ERGIC1: variants seen among roughly 807,000 people sequenced by gnomAD.
The protein encoded by ERGIC1 is endoplasmic reticulum-golgi intermediate compartment 1, also known as endoplasmic reticulum-Golgi intermediate compartment protein 1.
ERGIC1 carries 19 observed loss-of-function variants against 38.3 expected under a neutral mutation model. The observed-to-expected ratio is 0.50, with a 90% CI of 0.35 to 0.73. ERGIC1 has a LOEUF of 0.73. Ranked by LOEUF, ERGIC1 falls within the 30% of genes least tolerant of loss-of-function variation. ERGIC1 has a pLI of 0.01. For synonymous variants in ERGIC1, 124 were observed against 157.6 expected (o/e 0.79, Z 1.60); for missense variants, 294 against 389.2 (o/e 0.76, Z 2.06).
chr5:172,877,458 A>ATATATATAT (rs58452182), intron 1 of ERGIC1, among the ~76,000 whole-genome samples: 1 of 86,638 alleles, frequency 1.2e-5, no homozygotes, highest in African/African-American at 4.3e-5. Context: ...ATATATATAT[A>ATATATATAT]TTTTTTTTTT....
intron 1 of ERGIC1, among the ~76,000 whole-genome samples, chr5:172,850,893 AT>A (rs1361787391): frequency 6.6e-6 from 1 of 152,122 alleles, no homozygotes; most frequent in Non-Finnish European, 1.5e-5. Context: ...GAATGAAAAT[AT>A]TTCACATAAA....
At chr5:172,893,887 A>ATGTGTGTGTATG (rs1762632944) in intron 2 of ERGIC1, among the ~76,000 whole-genome samples, 1 of 14,094 alleles carries the variant, frequency 7.1e-5, no homozygotes, top group East Asian at 2.8e-3. Context: ...ATATATATAT[A>ATGTGTGTGTATG]TATATATATA....
intron 1 of ERGIC1, among the ~76,000 whole-genome samples, chr5:172,870,501 A>G (rs1332639303): frequency 6.6e-6 from 1 of 152,210 alleles, no homozygotes; most frequent in Non-Finnish European, 1.5e-5. Context: ...TAGATGACCA[A>G]CGCTCCGGTC....
intron 1 of ERGIC1, among the ~76,000 whole-genome samples, chr5:172,861,407 C>T (rs1434416793): frequency 6.6e-6 from 1 of 152,232 alleles, no homozygotes; most frequent in Non-Finnish European, 1.5e-5. Flanking sequence ...TGTTTATTAT[C>T]TGTCCCCTCC....
intron 1 of ERGIC1, among the ~76,000 whole-genome samples, chr5:172,877,693 C>G (rs897916447): frequency 6.6e-6 from 1 of 151,984 alleles, no homozygotes; most frequent in African/African-American, 2.4e-5. Context: ...GCTGTATCAC[C>G]CTCTGCGTTA....
At chr5:172,866,950 T>C (rs910258343) in intron 1 of ERGIC1, 2 of 340,282 alleles carry the variant, frequency 5.9e-6, no homozygotes, top group Non-Finnish European at 1.2e-5. Flanking sequence ...AGGTGCTGAA[T>C]GAATGCATGA....
intron 1 of ERGIC1, among the ~76,000 whole-genome samples, chr5:172,856,171 G>A (rs374320624): frequency 3.3e-5 from 5 of 152,272 alleles, no homozygotes; most frequent in East Asian, 1.9e-4. Flanking sequence ...TGGGCAGCAC[G>A]TCATTCCTGT....
Position 172,915,210 on chromosome 5 carries a change from A to C in ERGIC1, c.375+372A>C. 1.3e-5 allele frequency: 8 copies of C among 604,868 alleles called. 1 individual carries two copies. The South Asian group carries it at 1.6e-4, about 12-fold the overall frequency. 37.5% of individuals were successfully genotyped at this position (604,868 alleles called of 1,614,324 possible). A position where few individuals can be genotyped will look rare whatever the true frequency, so the allele number is the denominator to read the frequency against. On this transcript the variant is annotated intron_variant, in intron 5 of 9. Transcript: ENST00000393784. ...CTGAGGGTGTGATGGCGATAATAGT[A>C]TCACGATACCACCCACTTCACAAAG...
intron 8 of ERGIC1, 155 bp downstream of exon 8, chr5:172,932,691 A>G: frequency 1.4e-6 from 1 of 694,498 alleles, no homozygotes; most frequent in Non-Finnish European, 2.4e-6. Context: ...GTCCCTGGGT[A>G]AAATTGAAAA....
At chr5:172,948,249 C>T (rs1166160423) in intron 9 of ERGIC1, among the ~76,000 whole-genome samples, 1 of 152,218 alleles carries the variant, frequency 6.6e-6, no homozygotes, top group Non-Finnish European at 1.5e-5. Flanking sequence ...CTGGTCTGTC[C>T]ATCCTGGGCC....
intron 1 of ERGIC1, among the ~76,000 whole-genome samples, chr5:172,884,471 T>C (rs2113238802): frequency 6.6e-6 from 1 of 152,256 alleles, no homozygotes; most frequent in Admixed American, 6.5e-5. Flanking sequence ...CCCAGGCTTT[T>C]CTTGAACTCC....
chr5:172,918,384 T>G (rs1763426024), intron 5 of ERGIC1: 1 of 152,248 alleles, frequency 6.6e-6, no homozygotes, highest in Non-Finnish European at 1.5e-5. Flanking sequence ...ACCAAAAGCC[T>G]TAAGAACCTA....
intron 1 of ERGIC1, among the ~76,000 whole-genome samples, chr5:172,861,958 C>G (rs142711106): frequency 6.6e-6 from 1 of 152,004 alleles, no homozygotes; most frequent in African/African-American, 2.4e-5. Context: ...GAAATTCCTG[C>G]CAAGAACTTT....
chr5:172,855,554 G>A (rs1418145543), intron 1 of ERGIC1, among the ~76,000 whole-genome samples: 2 of 152,224 alleles, frequency 1.3e-5, no homozygotes, highest in African/African-American at 4.8e-5. Context: ...AGGATCAAGA[G>A]TTTTCCCAGC....
chr5:172,867,196 A>C (rs771750646), intron 1 of ERGIC1: 1 of 455,692 alleles, frequency 2.2e-6, no homozygotes. Flanking sequence ...TTATCGTGCT[A>C]CCTGGAAAGT....
At chr5:172,920,465 C>A (rs1763483183) in intron 5 of ERGIC1, 1 of 717,730 alleles carries the variant, frequency 1.4e-6, no homozygotes, top group Non-Finnish European at 2.6e-6. Flanking sequence ...GCCAGCCCCG[C>A]AGGAGGAGGA....
At chr5:172,902,031 G>A (rs1762894671) in intron 3 of ERGIC1, among the ~76,000 whole-genome samples, 2 of 152,200 alleles carry the variant, frequency 1.3e-5, no homozygotes, top group African/African-American at 4.8e-5. Flanking sequence ...GCACTAAGTG[G>A]TGTAACTGGA....
At chr5:172,931,930 C>T (rs549756298) in intron 7 of ERGIC1, among the ~76,000 whole-genome samples, 2 of 145,412 alleles carry the variant, frequency 1.4e-5, no homozygotes, top group African/African-American at 5.1e-5. Context: ...ATGACCTTAG[C>T]TCACTGCAAC....
At chr5:172,939,625 A>C (rs753458851) in intron 9 of ERGIC1, among the ~76,000 whole-genome samples, 1 of 152,344 alleles carries the variant, frequency 6.6e-6, no homozygotes, top group East Asian at 1.9e-4. Context: ...CCTCTGCTCA[A>C]GCGTGGGCTG....
Sources: allele counts gnomAD v4.1 joint callset (sites outside exome capture counted in the v4.1 genomes callset), GRCh38; gene constraint gnomAD v4.1.1; transcripts MANE v1.5; gene names NCBI Gene and HGNC (gene_info 2026-07-23, HGNC 2026-07-21).